The following SESTD1 variants were observed in gnomAD, a reference collection of about 807,000 sequenced individuals.
SESTD1 encodes SEC14 and spectrin domain containing 1.
Under a neutral mutation model 101.7 loss-of-function variants are expected in SESTD1, and 43 were observed. The ratio of observed to expected loss-of-function variants is 0.42; its 90% CI spans 0.33 to 0.55. The LOEUF is 0.55. SESTD1 is among the 20% of genes least tolerant of loss of function. The pLI is 0.07. For synonymous variants in SESTD1, 283 were observed against 286.8 expected, an observed-to-expected ratio of 0.99 and a Z score of 0.13; for missense variants, 647 against 815.1, an observed-to-expected ratio of 0.79 and a Z score of 2.51.
At position 179,160,841 on chromosome 2, in the gene SESTD1, A is replaced by G. The variant is rs185272232; in HGVS notation, c.370-9450T>C. Among the ~76,000 whole-genome samples the G allele has an allele frequency of 7.2e-5, 11 of 152,250 alleles. No individual in the cohort carries two copies. In the East Asian group the frequency reaches 2.1e-3, roughly 29 times the overall value. ...CAGAACATAATGAAGTAGTATATATAATAAGCTCATTTTAATTTTTTTAAA... is the reference window on the plus strand; with the variant it reads ...CAGAACATAATGAAGTAGTATATATGATAAGCTCATTTTAATTTTTTTAAA... On this transcript the variant is annotated intron_variant, in intron 5 of 17. Coordinates refer to ENST00000428443, the MANE Select transcript of SESTD1 (RefSeq NM_178123.5).
intron 8 of SESTD1, among the ~76,000 whole-genome samples, chr2:179,144,767 T>C (rs985392379): frequency 5.9e-5 from 9 of 152,090 alleles, no homozygotes; most frequent in Non-Finnish European, 1.3e-4. Context: ...TTTTATACTC[T>C]CTTTCAATAC....
chr2:179,263,241 G>A (rs2047507743), intron 1 of SESTD1, among the ~76,000 whole-genome samples: 2 of 152,118 alleles, frequency 1.3e-5, no homozygotes, highest in Admixed American at 6.5e-5. Flanking sequence ...GAACAAAGAC[G>A]TATTTTACTG....
intron 9 of SESTD1, among the ~76,000 whole-genome samples, chr2:179,140,576 C>G (rs900268914): frequency 6.6e-6 from 1 of 152,184 alleles, no homozygotes; most frequent in Non-Finnish European, 1.5e-5. Context: ...CTGTTTGCTA[C>G]GGCAGCCCTC....
intron 1 of SESTD1, among the ~76,000 whole-genome samples, chr2:179,218,460 G>A (rs10439299): frequency 0.46 from 69,530 of 152,054 alleles, 19,027 homozygotes; most frequent in African/African-American, 0.77. Flanking sequence ...GAAAAGAGGC[G>A]GAAAGCCACA....
intron 1 of SESTD1, among the ~76,000 whole-genome samples, chr2:179,244,667 A>AAG (rs1442935321): frequency 6.6e-6 from 1 of 152,246 alleles, no homozygotes; most frequent in African/African-American, 2.4e-5. Context: ...GAATGGCTAA[A>AAG]AGAAATTTTC....
chr2:179,123,686 A>G, intron 12 of SESTD1, 29 bp downstream of exon 12: 1 of 1,432,380 alleles, frequency 7.0e-7, no homozygotes, highest in Middle Eastern at 1.8e-4. Context: ...AAAAAACCTT[A>G]TGTTTCAGCA....
At chr2:179,213,423 A>G (rs2046677772) in intron 1 of SESTD1, among the ~76,000 whole-genome samples, 1 of 134,982 alleles carries the variant, frequency 7.4e-6, no homozygotes, top group East Asian at 2.0e-4. Flanking sequence ...AATTAATGAA[A>G]TAAAACAGAA....
intron 9 of SESTD1, among the ~76,000 whole-genome samples, chr2:179,136,984 T>A (rs2045159988): frequency 6.6e-6 from 1 of 152,168 alleles, no homozygotes; most frequent in Non-Finnish European, 1.5e-5. Flanking sequence ...TATGCCTATT[T>A]CTAATAAAAA....
At chr2:179,120,109 G>C in intron 13 of SESTD1, among the ~76,000 whole-genome samples, 1 of 151,964 alleles carries the variant, frequency 6.6e-6, no homozygotes, top group African/African-American at 2.4e-5. Context: ...CCCGCCTATA[G>C]TCCCAGCTAC....
At chr2:179,131,748 T>C (rs2045019062) in intron 10 of SESTD1, among the ~76,000 whole-genome samples, 1 of 152,194 alleles carries the variant, frequency 6.6e-6, no homozygotes, top group Non-Finnish European at 1.5e-5. Flanking sequence ...TTATCTATAA[T>C]CTGCTTAAGA....
chr2:179,236,665 G>A (rs547114857), intron 1 of SESTD1, among the ~76,000 whole-genome samples: 8 of 150,198 alleles, frequency 5.3e-5, no homozygotes, highest in South Asian at 4.2e-4. Context: ...GAGATGACCC[G>A]TGCTCTTACT....
At chr2:179,128,813 G>A (rs1327999595) in intron 10 of SESTD1, among the ~76,000 whole-genome samples, 1 of 151,148 alleles carries the variant, frequency 6.6e-6, no homozygotes, top group African/African-American at 2.4e-5. Flanking sequence ...TTCACTTACA[G>A]CCATTCTCCG....
intron 4 of SESTD1, among the ~76,000 whole-genome samples, chr2:179,175,612 T>A (rs1377033566): frequency 6.6e-6 from 1 of 152,200 alleles, no homozygotes; most frequent in Non-Finnish European, 1.5e-5. Context: ...CCCTCTTGAC[T>A]TTCATTTAAA....
chr2:179,185,965 C>A (rs2046224785), intron 2 of SESTD1, among the ~76,000 whole-genome samples: 1 of 136,476 alleles, frequency 7.3e-6, no homozygotes. Flanking sequence ...TATAATATAG[C>A]ATATACAATA....
In SESTD1 at chr2:179,109,871, CTGCAAATCTGT is replaced by C; in HGVS notation, c.*17_*27del. The C allele has an allele frequency of 6.2e-7, 1 of 1,611,594 alleles. No individual in the cohort carries two copies. Among genetic ancestry groups the C allele is most frequent in the Non-Finnish European group, 8.5e-7 (1 of 1,178,780 alleles). On this transcript the variant is annotated 3_prime_UTR_variant, in exon 18 of 18. Coordinates refer to ENST00000428443, the MANE Select transcript of SESTD1 (RefSeq NM_178123.5). ...TGTTGACAACATGCGGGATTATGAA[CTGCAAATCTGT>C]AGGTAGCTGGTAGCTATTAGCTCTC...
At chr2:179,184,606 C>T (rs1265340355) in intron 2 of SESTD1, among the ~76,000 whole-genome samples, 1 of 152,016 alleles carries the variant, frequency 6.6e-6, no homozygotes, top group Non-Finnish European at 1.5e-5. Context: ...ACTGCATCCC[C>T]TGAATGACTC....
chr2:179,186,889 A>C (rs1489104756), intron 2 of SESTD1, among the ~76,000 whole-genome samples: 3 of 152,088 alleles, frequency 2.0e-5, no homozygotes, highest in African/African-American at 7.2e-5. Flanking sequence ...GTCAGATCAC[A>C]CACAATGGGA....
chr2:179,185,695 GTATAT>G (rs1266643994), intron 2 of SESTD1, among the ~76,000 whole-genome samples: 10 of 120,746 alleles, frequency 8.3e-5, no homozygotes, highest in Non-Finnish European at 1.6e-4. Context: ...ATATAATATA[GTATAT>G]TATATACAAT....
At chr2:179,148,225 A>G (rs975285727) in intron 7 of SESTD1, among the ~76,000 whole-genome samples, 3 of 152,232 alleles carry the variant, frequency 2.0e-5, no homozygotes, top group Admixed American at 1.3e-4. Context: ...GTTCCACTGT[A>G]TCTTCAAGGT....
Sources: gnomAD v4.1 joint callset for allele counts (sites outside exome capture counted in the v4.1 genomes callset) on GRCh38, gnomAD v4.1.1 for gene constraint, MANE v1.5 for transcripts, NCBI Gene and HGNC (gene_info 2026-07-23, HGNC 2026-07-21) for gene names.